The following MGAT5B variants were observed in gnomAD, a reference collection of about 807,000 sequenced individuals.
MGAT5B encodes N-acetylglucosaminyl-transferase Vb.
In MGAT5B, 54 loss-of-function variants were observed where a neutral mutation model predicts 95.1. The observed-to-expected ratio is 0.57, with a 90% confidence interval of 0.46 to 0.71. The LOEUF is 0.71. MGAT5B is among the 30% of genes least tolerant of loss of function. MGAT5B has a pLI of 0.00. For synonymous variants in MGAT5B, 464 were observed against 451.0 expected, an observed-to-expected ratio of 1.03 and a Z score of -0.36; for missense variants, 935 against 1,088.6, an observed-to-expected ratio of 0.86 and a Z score of 1.99.
At chr17:76,893,402 C>T (rs917752331) in intron 3 of MGAT5B, among the ~76,000 whole-genome samples, 1 of 152,214 alleles carries the variant, frequency 6.6e-6, no homozygotes, top group Admixed American at 6.5e-5. Flanking sequence ...CTCTCATGGG[C>T]CAGATCTTCA....
chr17:76,925,145 G>C lies in MGAT5B; in HGVS notation c.1157+48G>C, dbSNP rs372296553. On this transcript the variant is annotated intron_variant, in intron 9 of 17. Transcript: ENST00000569840. ...GGCACGTGGCCCACATGCCAGGGGA[G>C]AAAGCTCCTCCTTCACGCCCTGCCC... 102 of 1,607,190 alleles carry C rather than the reference G, an allele frequency of 6.3e-5. No individual in the cohort carries two copies. The African/African-American group carries it at 1.3e-3, about 21-fold the overall frequency.
chr17:76,905,158 G>A lies in MGAT5B; in HGVS notation c.691-11G>A, dbSNP rs1414588799. On this transcript the variant is annotated splice_polypyrimidine_tract_variant and intron_variant, in intron 6 of 17. Transcript: ENST00000569840. The surrounding 1 kb of genome is among the most constrained non-coding windows in gnomAD (Gnocchi z 4.2). ...TTGAGGGGCAGAGAGCTGAGGTCTGGACCCCTCCAGGCAGTTTTCCGAAGC... is the reference window on the plus strand; with the variant it reads ...TTGAGGGGCAGAGAGCTGAGGTCTGAACCCCTCCAGGCAGTTTTCCGAAGC... 1.2e-6 allele frequency: 2 copies of A among 1,604,198 alleles called. No homozygotes were observed. Among genetic ancestry groups the A allele is most frequent in the Non-Finnish European group, 1.7e-6 (2 of 1,172,572 alleles).
chr17:76,904,314 G>C lies in MGAT5B; in HGVS notation c.582G>C (p.Glu194Asp), dbSNP rs1968436460. The C allele has an allele frequency of 6.2e-7, 1 of 1,609,800 alleles. No individual in the cohort carries two copies. Among genetic ancestry groups the C allele is most frequent in the African/African-American group, 1.3e-5 (1 of 74,908 alleles). The change falls in exon 6 of 18, where the codon GAG (glutamate) becomes GAC (aspartate). Residue 194 changes from glutamate (E) to aspartate (D), a missense_variant. Around this residue, in one of 4 missense-constraint regions of MGAT5B, gnomAD observed 243 missense variants for 305.5 expected, o/e 0.80. Coordinates refer to ENST00000569840, the MANE Select transcript of MGAT5B (RefSeq NM_001199172.2). ...CYAFFGVDGT[E>D]CSFLIYLSEV... ...CCTTCTTTGGGGTGGACGGCACCGA[G>C]TGCTCCTTCCTCATCTACCTCAGTG... is the stretch of plus-strand genomic sequence containing the variant.
chr17:76,921,902 G>C lies in MGAT5B; in HGVS notation c.1026-3064G>C, dbSNP rs114827113. Among the ~76,000 whole-genome samples the C allele has an allele frequency of 6.6e-3, 1,006 of 152,296 alleles. 13 individuals are homozygous for C. Among genetic ancestry groups the C allele is most frequent in the African/African-American group, 0.023 (964 of 41,554 alleles). On this transcript the variant is annotated intron_variant, in intron 8 of 17. Transcript: ENST00000569840. The stretch of plus-strand genomic sequence containing the variant: ...AACAGGATGAGAATGGGTCTGATCT[G>C]GTAGGGTAGTTGCTAAGATGAAAGG...
At chr17:76,937,534 G>A (rs1208866179) in intron 12 of MGAT5B, among the ~76,000 whole-genome samples, 1 of 151,802 alleles carries the variant, frequency 6.6e-6, no homozygotes, top group Non-Finnish European at 1.5e-5. Flanking sequence ...TGCATGGATG[G>A]TGGGTGCATG....
At chr17:76,898,968 A>C (rs1390821831) in intron 3 of MGAT5B, among the ~76,000 whole-genome samples, 1 of 152,218 alleles carries the variant, frequency 6.6e-6, no homozygotes, top group African/African-American at 2.4e-5. Context: ...CCTGTCCTGG[A>C]GGACTCAGGA....
rs768004718 is a variant in MGAT5B at position 76,870,708 on chromosome 17, C to T, written c.68+1611C>T. ...CACCCCAGGGTCTCCCTGGGCTGCC[C>T]GGAGACCCGCAGCCATCAGTGAGTC... On this transcript the variant is annotated intron_variant, in intron 1 of 17. Transcript: ENST00000569840. This position sits in a 1 kb window ranked among gnomAD's most constrained non-coding sequence, Gnocchi z 5.0. Among the ~76,000 whole-genome samples, 4 of 151,974 alleles carry T rather than the reference C, an allele frequency of 2.6e-5. No homozygotes were observed. Among genetic ancestry groups the T allele is most frequent in the Non-Finnish European group, 4.4e-5 (3 of 67,946 alleles).
chr17:76,882,704 CCTT>C (rs1371893624), intron 3 of MGAT5B, among the ~76,000 whole-genome samples: 11,821 of 137,402 alleles, frequency 0.086, 950 homozygotes, highest in East Asian at 0.24. Context: ...TTCCACTGCC[CCTT>C]TTTTTTTTTT....
intron 3 of MGAT5B, among the ~76,000 whole-genome samples, chr17:76,883,178 T>G (rs1364444257): frequency 6.6e-6 from 1 of 152,072 alleles, no homozygotes; most frequent in Middle Eastern, 3.4e-3. Context: ...TCTGTTCTTT[T>G]TAGTAGAGAT....
At chr17:76,886,757 C>T (rs773450342) in intron 3 of MGAT5B, among the ~76,000 whole-genome samples, 1 of 152,102 alleles carries the variant, frequency 6.6e-6, no homozygotes, top group Non-Finnish European at 1.5e-5. Context: ...TAAAGACCAC[C>T]TTCAGGCTGG....
rs1968876291 is a variant in MGAT5B at position 76,914,999 on chromosome 17, A to C, written c.1025+8812A>C. Among the ~76,000 whole-genome samples the C allele has an allele frequency of 6.6e-6, 1 of 152,222 alleles. No individual in the cohort carries two copies. The highest frequency in any genetic ancestry group is 1.5e-5 in the Non-Finnish European group (1 of 68,030). On this transcript the variant is annotated intron_variant, in intron 8 of 17. Coordinates refer to ENST00000569840, the MANE Select transcript of MGAT5B (RefSeq NM_001199172.2). The surrounding 1 kb of genome is among the most constrained non-coding windows in gnomAD (Gnocchi z 5.1). Reference sequence around the variant, plus strand: ...GATTAGGGTCTACCCTAATGCCTTCATCTTAACTTGATTACCTCTGCAAAG... The same window carrying C: ...GATTAGGGTCTACCCTAATGCCTTCCTCTTAACTTGATTACCTCTGCAAAG...
intron 1 of MGAT5B, 167 bp from the exon 2 acceptor site, chr17:76,872,684 T>TG (rs1008588794): frequency 9.8e-6 from 15 of 1,530,130 alleles, no homozygotes; most frequent in Non-Finnish European, 9.7e-6. Flanking sequence ...TATCCTATAG[T>TG]GGGGGGGCCC....
At chr17:76,904,562 C>G in intron 6 of MGAT5B, 140 bp downstream of exon 6, 2 of 973,782 alleles carry the variant, frequency 2.1e-6, no homozygotes, top group Non-Finnish European at 2.9e-6. Context: ...CCCACCCTAC[C>G]GGGCAGACGG....
rs910717402 is a variant in MGAT5B at position 76,870,607 on chromosome 17, C to G, written c.68+1510C>G. On this transcript the variant is annotated intron_variant, in intron 1 of 17. Transcript: ENST00000569840. The surrounding 1 kb of genome is among the most constrained non-coding windows in gnomAD (Gnocchi z 5.0). ...GGCTGCTTCCCTGTCTGGTCCTGCC[C>G]TGGTTTTCTTTCAGGCCCTTATCTG... Among the ~76,000 whole-genome samples, 1 of 151,942 alleles carries G rather than the reference C, an allele frequency of 6.6e-6. No homozygotes were observed. The highest frequency in any genetic ancestry group is 2.4e-5 in the African/African-American group (1 of 41,394).
In MGAT5B at chr17:76,947,838, C is replaced by G. The variant is rs1404050649; in HGVS notation, c.1932C>G (p.Cys644Trp). ...IHAYIQHQDF[C>W]RAPDPALPEA... ...TGCTCTCCTCCTTGCAGGACTTCTG[C>G]AGAGCTCCAGACCCTGCCCTACCAG... The change falls in exon 17 of 18, where the codon TGC (cysteine) becomes TGG (tryptophan). Residue 644 changes from cysteine to tryptophan, a missense_variant. Cys to Trp is a radical substitution (Grantham distance 215). Around this residue, in one of 4 missense-constraint regions of MGAT5B, gnomAD observed 440 missense variants for 523.6 expected, o/e 0.84. Transcript: ENST00000569840. 3 of 1,561,754 alleles carry G rather than the reference C, an allele frequency of 1.9e-6. No homozygotes were observed. Among genetic ancestry groups the G allele is most frequent in the Non-Finnish European group, 8.7e-7 (1 of 1,150,754 alleles).
intron 10 of MGAT5B, 132 bp downstream of exon 10, chr17:76,926,862 C>A: frequency 9.1e-7 from 1 of 1,095,790 alleles, no homozygotes; most frequent in Non-Finnish European, 1.3e-6. Flanking sequence ...TGGGACCCAG[C>A]AAGCATCGCC....
At chr17:76,884,897 C>T (rs908928565) in intron 3 of MGAT5B, among the ~76,000 whole-genome samples, 16 of 151,224 alleles carry the variant, frequency 1.1e-4, no homozygotes, top group African/African-American at 2.4e-4. Flanking sequence ...CCACTGCGCC[C>T]GGCCTAAGTT....
At chr17:76,886,905 G>A (rs530719860) in intron 3 of MGAT5B, among the ~76,000 whole-genome samples, 6 of 152,238 alleles carry the variant, frequency 3.9e-5, no homozygotes, top group African/African-American at 7.2e-5. Flanking sequence ...TTAGCCAGGC[G>A]TGGTGGCACA....
chr17:76,933,735 C>T (rs1969567868), intron 12 of MGAT5B, among the ~76,000 whole-genome samples: 1 of 152,158 alleles, frequency 6.6e-6, no homozygotes, highest in African/African-American at 2.4e-5. Flanking sequence ...ATCTGGCTGT[C>T]GCAGGGAAAC....
Sources: gnomAD v4.1 joint callset for allele counts (sites outside exome capture counted in the v4.1 genomes callset) on GRCh38, gnomAD v4.1.1 for gene constraint, gnomAD v4.1.1 regional missense constraint, Gnocchi (gnomAD v3.1) non-coding constraint, MANE v1.5 for transcripts, NCBI Gene and HGNC (gene_info 2026-07-23, HGNC 2026-07-21) for gene names.